The following DYNC2H1 variants were observed in gnomAD, a reference collection of about 807,000 sequenced individuals.
DYNC2H1 encodes the protein dynein cytoplasmic 2 heavy chain 1.
DYNC2H1 carries 410 observed loss-of-function variants against 570.0 expected under a neutral mutation model. The observed-to-expected ratio is 0.72, with a 90% CI of 0.66 to 0.78. The LOEUF is 0.78. Ranked by LOEUF, DYNC2H1 falls within the 30% of genes least tolerant of loss-of-function variation. The pLI, the probability that DYNC2H1 is intolerant of heterozygous loss-of-function variation, is 0.00. For synonymous variants in DYNC2H1, 1,688 were observed against 1,677.6 expected, an observed-to-expected ratio of 1.01 and a Z score of -0.15; for missense variants, 4,865 against 5,046.4, an observed-to-expected ratio of 0.96 and a Z score of 1.09.
chr11:103,143,471 T>G (rs1860074660), intron 18 of DYNC2H1, 76 bp downstream of exon 18: 3 of 1,411,684 alleles, frequency 2.1e-6, no homozygotes, highest in Non-Finnish European at 1.9e-6. Flanking sequence ...CTCTACTTAG[T>G]GGCATTGAAG....
At chr11:103,125,356 A>G (rs1858937320) in intron 12 of DYNC2H1, 61 bp downstream of exon 12, 2 of 847,890 alleles carry the variant, frequency 2.4e-6, no homozygotes, top group Admixed American at 6.5e-5. Context: ...AAACTAGAAT[A>G]TGCTAAAGGC....
At chr11:103,419,817 G>T (rs1469828701) in intron 84 of DYNC2H1, among the ~76,000 whole-genome samples, 1 of 152,046 alleles carries the variant, frequency 6.6e-6, no homozygotes, top group African/African-American at 2.4e-5. Context: ...GCTTCAGAAG[G>T]TGTGTAATAA....
chr11:103,174,604 G>C (rs555790317), intron 36 of DYNC2H1, among the ~76,000 whole-genome samples: 7 of 152,188 alleles, frequency 4.6e-5, no homozygotes, highest in African/African-American at 1.2e-4. Flanking sequence ...GTCTTGTCTT[G>C]AAACAAGAAC....
chr11:103,159,115 TACAGCAG>T, intron 28 of DYNC2H1, 88 bp downstream of exon 28: 1 of 997,658 alleles, frequency 1.0e-6, no homozygotes, highest in Non-Finnish European at 1.5e-6. Context: ...GACTACTGAA[TACAGCAG>T]TCAGTTCATA....
intron 17 of DYNC2H1, 27 bp from the exon 18 acceptor site, chr11:103,143,241 T>C (rs1383226247): frequency 6.2e-7 from 1 of 1,606,684 alleles, no homozygotes; most frequent in Non-Finnish European, 8.5e-7. Context: ...GTGTCTTTAA[T>C]AATACATTTT....
chr11:103,253,908 A>G (rs1284678848), intron 66 of DYNC2H1, among the ~76,000 whole-genome samples: 1 of 152,122 alleles, frequency 6.6e-6, no homozygotes, highest in Non-Finnish European at 1.5e-5. Flanking sequence ...ATGGCTCATT[A>G]CAGTTCAGAA....
chr11:103,398,943 A>G (rs1591684317), intron 83 of DYNC2H1, among the ~76,000 whole-genome samples: 1 of 152,118 alleles, frequency 6.6e-6, no homozygotes, highest in East Asian at 1.9e-4. Flanking sequence ...TTCAAATTGA[A>G]AAAAATGCCC....
At chr11:103,259,761 A>G in intron 69 of DYNC2H1, 127 bp from the exon 70 acceptor site, 2 of 584,412 alleles carry the variant, frequency 3.4e-6, no homozygotes, top group Middle Eastern at 4.0e-4. Flanking sequence ...GCACTTGTTT[A>G]GTCCCTTGAA....
chr11:103,266,376 G>A (rs1465637917), intron 70 of DYNC2H1, among the ~76,000 whole-genome samples: 1 of 152,126 alleles, frequency 6.6e-6, no homozygotes, highest in Admixed American at 6.5e-5. Context: ...GGGCCCCTGT[G>A]GGTGCAGGTG....
rs1178389493 is a variant in DYNC2H1, at chr11:103,268,304, T to G, written c.10695+8327T>G. On this transcript the variant is annotated intron_variant, in intron 70 of 88. Coordinates refer to ENST00000375735, the MANE Select transcript of DYNC2H1 (RefSeq NM_001377.3). The surrounding 1 kb of genome is among the most constrained non-coding windows in gnomAD (Gnocchi z 4.6). ...TTACCAAGCTCTGGTTTATAAATGTTATCTTATTGTTTTTAAAGTTGTTTA... is the reference window on the plus strand; with the variant it reads ...TTACCAAGCTCTGGTTTATAAATGTGATCTTATTGTTTTTAAAGTTGTTTA... 6.6e-6 allele frequency among the ~76,000 whole-genome samples: 1 copy of G among 152,064 alleles called. No homozygotes were observed. The highest frequency in any genetic ancestry group is 1.5e-5 in the Non-Finnish European group (1 of 67,924).
At position 103,198,177 on chromosome 11, in the gene DYNC2H1, T is replaced by C. The variant is rs192084730; in HGVS notation, c.7839+114T>C. On this transcript the variant is annotated intron_variant, in intron 48 of 88. Coordinates refer to ENST00000375735, the MANE Select transcript of DYNC2H1 (RefSeq NM_001377.3). ...TGATAGATTGTAGAATAGGCAAAGC[T>C]GGTTCTTATCTTTTGGAATTTAGTC... is the stretch of plus-strand genomic sequence containing the variant. 1,871 of 1,230,438 alleles carry C rather than the reference T, an allele frequency of 1.5e-3. 4 individuals are homozygous for C. Among genetic ancestry groups the C allele is most frequent in the Non-Finnish European group, 1.9e-3 (1,711 of 903,678 alleles). The allele number at this position is 1,230,438 out of a possible 1,614,324, so 76.2% of individuals were successfully genotyped here.
At chr11:103,127,709 G>A (rs1859069546) in intron 12 of DYNC2H1, among the ~76,000 whole-genome samples, 1 of 152,154 alleles carries the variant, frequency 6.6e-6, no homozygotes. Flanking sequence ...CACCAACACA[G>A]TTAAGAGTGT....
chr11:103,238,983 G>T (rs61896698), intron 63 of DYNC2H1, among the ~76,000 whole-genome samples: 1 of 151,974 alleles, frequency 6.6e-6, no homozygotes, highest in African/African-American at 2.4e-5. Context: ...TCCTGGTTTG[G>T]GTGATAAATT....
intron 70 of DYNC2H1, among the ~76,000 whole-genome samples, chr11:103,279,565 C>G (rs1214133450): frequency 2.0e-5 from 3 of 150,878 alleles, no homozygotes; most frequent in Non-Finnish European, 4.4e-5. Flanking sequence ...TCTTTTTTTC[C>G]TCCTTCCTTT....
intron 17 of DYNC2H1, among the ~76,000 whole-genome samples, chr11:103,136,187 T>A (rs1242852904): frequency 1.3e-5 from 2 of 151,126 alleles, no homozygotes; most frequent in Non-Finnish European, 3.0e-5. Flanking sequence ...AGAAACTTGT[T>A]TTTTTTGGTT....
intron 40 of DYNC2H1, among the ~76,000 whole-genome samples, chr11:103,183,207 A>C (rs954782700): frequency 6.6e-6 from 1 of 151,956 alleles, no homozygotes; most frequent in Non-Finnish European, 1.5e-5. Flanking sequence ...CCTGATGCCT[A>C]CATTGTGACA....
chr11:103,144,068 A>C (rs143353786), intron 18 of DYNC2H1, among the ~76,000 whole-genome samples: 1 of 152,354 alleles, frequency 6.6e-6, no homozygotes, highest in East Asian at 1.9e-4. Context: ...ACAAAGAGGA[A>C]GAAGACAGAG....
chr11:103,154,958 A>G, intron 24 of DYNC2H1, 149 bp downstream of exon 24: 1 of 662,828 alleles, frequency 1.5e-6, no homozygotes, highest in Non-Finnish European at 2.3e-6. Flanking sequence ...AGTAAACCAT[A>G]GAAATTATTG....
At chr11:103,112,713 T>C (rs559639938) in intron 1 of DYNC2H1, among the ~76,000 whole-genome samples, 2 of 152,226 alleles carry the variant, frequency 1.3e-5, no homozygotes, top group Admixed American at 6.5e-5. Context: ...GACCCATAGC[T>C]GTTCTTCCTA....
Sources: gnomAD v4.1 joint callset for allele counts (sites outside exome capture counted in the v4.1 genomes callset) on GRCh38, gnomAD v4.1.1 for gene constraint, Gnocchi (gnomAD v3.1) non-coding constraint, MANE v1.5 for transcripts, NCBI Gene and HGNC (gene_info 2026-07-23, HGNC 2026-07-21) for gene names.